The following KCNQ5 variants were observed in gnomAD, a reference collection of about 807,000 sequenced individuals.
KCNQ5 encodes potassium voltage-gated channel subfamily Q member 5.
In KCNQ5, 30 loss-of-function variants were observed where a neutral mutation model predicts 98.2. The ratio of observed to expected loss-of-function variants is 0.31; its 90% CI spans 0.23 to 0.41. KCNQ5 has a LOEUF of 0.41. Ranked by LOEUF, KCNQ5 falls within the 10% of genes least tolerant of loss-of-function variation. KCNQ5 has a pLI of 1.00. For missense variants in KCNQ5, 835 were observed against 1,182.5 expected, an observed-to-expected ratio of 0.71 and a Z score of 4.31; for synonymous variants, 458 against 449.4, an observed-to-expected ratio of 1.02 and a Z score of -0.24.
intron 1 of KCNQ5, among the ~76,000 whole-genome samples, chr6:72,740,356 A>G (rs1771066352): frequency 1.3e-5 from 2 of 152,162 alleles, no homozygotes; most frequent in African/African-American, 4.8e-5. Flanking sequence ...AGAGAACGGA[A>G]ACTCAGAGTG....
chr6:72,745,471 C>G (rs1164009331), intron 1 of KCNQ5, among the ~76,000 whole-genome samples: 1 of 152,208 alleles, frequency 6.6e-6, no homozygotes, highest in Non-Finnish European at 1.5e-5. Context: ...AGGCTAGAAT[C>G]AGAGTACTTG....
intron 1 of KCNQ5, among the ~76,000 whole-genome samples, chr6:72,758,749 G>A (rs976899880): frequency 6.6e-6 from 1 of 152,080 alleles, no homozygotes; most frequent in African/African-American, 2.4e-5. Flanking sequence ...TTTAGACTGT[G>A]CATTCTGTGT....
chr6:73,069,186 C>T (rs1271108118), intron 3 of KCNQ5, among the ~76,000 whole-genome samples: 1 of 152,124 alleles, frequency 6.6e-6, no homozygotes. Context: ...CAATTTTCTA[C>T]TAGCATGTTT....
chr6:72,987,611 AGCAGAACC>A, intron 1 of KCNQ5: 2 of 589,712 alleles, frequency 3.4e-6, no homozygotes, highest in South Asian at 1.6e-5. Flanking sequence ...CAGAACCTGC[AGCAGAACC>A]TGCAGCAGGA....
At chr6:72,718,575 C>T (rs1401654889) in intron 1 of KCNQ5, among the ~76,000 whole-genome samples, 2 of 151,222 alleles carry the variant, frequency 1.3e-5, no homozygotes, top group African/African-American at 2.4e-5. Flanking sequence ...CTCAGCCTCC[C>T]GAGTAGCTGG....
intron 1 of KCNQ5, among the ~76,000 whole-genome samples, chr6:72,885,715 C>T (rs952106188): frequency 7.2e-5 from 11 of 152,136 alleles, no homozygotes; most frequent in Non-Finnish European, 1.2e-4. Flanking sequence ...TCTGCCATTG[C>T]CTAGTGGCTG....
chr6:73,178,729 G>A (rs533313311), intron 11 of KCNQ5, among the ~76,000 whole-genome samples: 1 of 152,168 alleles, frequency 6.6e-6, no homozygotes, highest in South Asian at 2.1e-4. Flanking sequence ...CTAGTAACCC[G>A]ATCTAAGATG....
At chr6:73,048,992 T>A (rs1027501593) in intron 3 of KCNQ5, among the ~76,000 whole-genome samples, 2 of 152,158 alleles carry the variant, frequency 1.3e-5, no homozygotes, top group Non-Finnish European at 2.9e-5. Context: ...AGATGTTATC[T>A]GAAACTGTAT....
intron 1 of KCNQ5, among the ~76,000 whole-genome samples, chr6:72,685,762 T>C (rs1565078814): frequency 6.6e-6 from 1 of 152,248 alleles, no homozygotes; most frequent in Non-Finnish European, 1.5e-5. Context: ...AAAATGCTTA[T>C]ATGAATGTCA....
intron 6 of KCNQ5, among the ~76,000 whole-genome samples, chr6:73,110,081 GCATCTTTGAAC>G (rs949509941): frequency 2.0e-5 from 3 of 152,076 alleles, no homozygotes; most frequent in Non-Finnish European, 4.4e-5. Context: ...ACAGCCTATA[GCATCTTTGAAC>G]CATCTTTGAG....
Position 73,194,969 on chromosome 6 carries a change from T to C in KCNQ5, c.2354T>C (p.Val785Ala), listed in dbSNP as rs747610703. The C allele has an allele frequency of 4.3e-5, 70 of 1,614,044 alleles. No homozygotes were observed. The highest frequency in any genetic ancestry group is 2.3e-4 in the Admixed American group (14 of 59,988). Reference protein sequence around the residue: ...ESISDVTTCLVASKENVQVAQ... With the variant: ...ESISDVTTCLAASKENVQVAQ... ...ATTTCTGACGTCACCACCTGCCTTG[T>C]TGCCTCCAAGGAAAATGTTCAGGTT... Residue 785 changes from valine to alanine, a missense_variant, in exon 14 of 14, where the codon GTT becomes GCT. Physicochemically the swap from Val to Ala is moderately conservative, Grantham distance 64. Transcript: ENST00000370398.
chr6:73,043,195 T>A (rs992587351), intron 3 of KCNQ5: 4 of 398,994 alleles, frequency 1.0e-5, no homozygotes, highest in African/African-American at 4.2e-5. Flanking sequence ...GAATCCTTTA[T>A]TCCATACTTC....
chr6:72,864,550 T>G (rs1425588165), intron 1 of KCNQ5, among the ~76,000 whole-genome samples: 1 of 152,218 alleles, frequency 6.6e-6, no homozygotes, highest in East Asian at 1.9e-4. Context: ...TCTGATATTT[T>G]TATTAAATAT....
At chr6:72,883,540 A>T (rs1466716352) in intron 1 of KCNQ5, among the ~76,000 whole-genome samples, 1 of 152,204 alleles carries the variant, frequency 6.6e-6, no homozygotes, top group African/African-American at 2.4e-5. Flanking sequence ...AGGAAGTCCA[A>T]CATGAAGCAA....
intron 3 of KCNQ5, chr6:73,043,255 AT>A (rs1334924207): frequency 1.2e-5 from 3 of 246,864 alleles, no homozygotes; most frequent in African/African-American, 2.3e-5. Flanking sequence ...ACCAGAATTT[AT>A]GGAAATGTGG....
intron 10 of KCNQ5, among the ~76,000 whole-genome samples, chr6:73,159,965 A>G (rs889511384): frequency 6.6e-6 from 1 of 152,078 alleles, no homozygotes; most frequent in Non-Finnish European, 1.5e-5. Context: ...TCCTCCACAG[A>G]CAAAACAAGT....
intron 1 of KCNQ5, among the ~76,000 whole-genome samples, chr6:72,698,382 G>A (rs1582132574): frequency 6.6e-6 from 1 of 151,814 alleles, no homozygotes; most frequent in African/African-American, 2.4e-5. Flanking sequence ...TTTGTGTTTT[G>A]AGTAGAGATG....
intron 2 of KCNQ5, among the ~76,000 whole-genome samples, chr6:73,039,297 GTT>G (rs1014691931): frequency 9.9e-5 from 15 of 151,954 alleles, no homozygotes; most frequent in African/African-American, 3.6e-4. Flanking sequence ...TTTCCATATT[GTT>G]TTCCTCTTTT....
intron 3 of KCNQ5, among the ~76,000 whole-genome samples, chr6:73,067,568 C>G (rs762021934): frequency 5.3e-5 from 8 of 152,080 alleles, no homozygotes; most frequent in Non-Finnish European, 1.2e-4. Flanking sequence ...CTAGAAATAC[C>G]TGGGCTGTTG....
Sources: gnomAD v4.1 joint callset for allele counts (sites outside exome capture counted in the v4.1 genomes callset) on GRCh38, gnomAD v4.1.1 for gene constraint, MANE v1.5 for transcripts, NCBI Gene and HGNC (gene_info 2026-07-23, HGNC 2026-07-21) for gene names.